The following NEDD4L variants were observed in gnomAD, a reference collection of about 807,000 sequenced individuals.
NEDD4L encodes E3 ubiquitin-protein ligase NEDD4-like.
Under a neutral mutation model 148.9 loss-of-function variants are expected in NEDD4L, and 54 were observed. That is an observed-to-expected ratio of 0.36 (90% CI 0.29 to 0.45). The LOEUF (loss-of-function observed/expected upper bound fraction) is 0.45, where lower values mean the gene tolerates loss of function less well. NEDD4L is among the 20% of genes least tolerant of loss of function. The pLI is 1.00. For synonymous variants in NEDD4L, 433 were observed against 440.7 expected (o/e 0.98, Z 0.22); for missense variants, 856 against 1,233.8 (o/e 0.69, Z 4.59).
intron 5 of NEDD4L, among the ~76,000 whole-genome samples, chr18:58,308,708 T>C (rs1358699622): frequency 6.6e-6 from 1 of 152,236 alleles, no homozygotes; most frequent in East Asian, 1.9e-4. Context: ...AGCACGAGTC[T>C]CAGGCAGTGG....
chr18:58,202,583 C>T (rs538318811), intron 2 of NEDD4L, among the ~76,000 whole-genome samples: 6 of 152,358 alleles, frequency 3.9e-5, no homozygotes, highest in Non-Finnish European at 8.8e-5. Context: ...TCCTTTTCAA[C>T]ACGTGGATTT....
intron 5 of NEDD4L, among the ~76,000 whole-genome samples, chr18:58,264,791 C>T (rs1051229157): frequency 1.3e-5 from 2 of 151,954 alleles, no homozygotes; most frequent in African/African-American, 4.8e-5. Context: ...TTCATCTGAC[C>T]GTATTTTCGT....
At chr18:58,357,300 T>A in intron 19 of NEDD4L, 48 bp downstream of exon 19, 1 of 1,474,038 alleles carries the variant, frequency 6.8e-7, no homozygotes, top group Non-Finnish European at 9.5e-7. Flanking sequence ...TTTGGTTACG[T>A]GTTTACGTGT....
At chr18:58,328,475 G>A (rs981645894) in intron 9 of NEDD4L, among the ~76,000 whole-genome samples, 4 of 152,200 alleles carry the variant, frequency 2.6e-5, no homozygotes, top group African/African-American at 9.7e-5. Flanking sequence ...CTAGAAAGCA[G>A]CTGAAAAAAA....
At chr18:58,282,623 C>T (rs2053311144) in intron 5 of NEDD4L, among the ~76,000 whole-genome samples, 1 of 152,212 alleles carries the variant, frequency 6.6e-6, no homozygotes, top group Admixed American at 6.5e-5. Context: ...CTTCTCTTGA[C>T]ATTTTGTTGC....
At chr18:58,238,194 C>G (rs66670611) in intron 2 of NEDD4L, among the ~76,000 whole-genome samples, 21,680 of 152,092 alleles carry the variant, frequency 0.14, 1,772 homozygotes, top group East Asian at 0.39. Flanking sequence ...ATATTTTAAA[C>G]TATGCTTCAT....
At chr18:58,061,705 T>TAATTATA (rs1308848788) in intron 1 of NEDD4L, among the ~76,000 whole-genome samples, 1 of 152,220 alleles carries the variant, frequency 6.6e-6, no homozygotes, top group Non-Finnish European at 1.5e-5. Flanking sequence ...ATAATTAAGG[T>TAATTATA]AAAATGTAAA....
At chr18:58,208,633 C>T (rs2042206836) in intron 2 of NEDD4L, among the ~76,000 whole-genome samples, 1 of 152,202 alleles carries the variant, frequency 6.6e-6, no homozygotes, top group Non-Finnish European at 1.5e-5. Context: ...CAGAGCCTCT[C>T]ACCCTGGGAG....
In NEDD4L at chr18:58,366,002, G is replaced by A; in HGVS notation, c.1837G>A (p.Asp613Asn). 6.2e-7 allele frequency: 1 copy of A among 1,602,176 alleles called. No homozygotes were observed. The highest frequency in any genetic ancestry group is 8.5e-7 in the Non-Finnish European group (1 of 1,172,216). Reference protein sequence around the residue: ...YFRKKLKKPADIPNRFEMKLH... With the variant: ...YFRKKLKKPANIPNRFEMKLH... Reference sequence around the variant, plus strand: ...TTTTCTTTTGTCTTTTGTGTAGGCTGATATCCCCAATAGGTTTGAAATGAA... The same window carrying A: ...TTTTCTTTTGTCTTTTGTGTAGGCTAATATCCCCAATAGGTTTGAAATGAA... Residue 613 changes from aspartate to asparagine, a missense_variant, in exon 21 of 31, where the codon GAT becomes AAT. By Grantham distance (23) the Asp-to-Asn change is conservative. Coordinates refer to ENST00000400345, the MANE Select transcript of NEDD4L (RefSeq NM_001144967.3). This position sits in a 1 kb window ranked among gnomAD's most constrained non-coding sequence, Gnocchi z 4.2.
chr18:58,189,682 C>T (rs2039887162), intron 2 of NEDD4L, among the ~76,000 whole-genome samples: 2 of 152,130 alleles, frequency 1.3e-5, no homozygotes, highest in Admixed American at 1.3e-4. Flanking sequence ...TGGCTTTTTT[C>T]TTCACATGAA....
chr18:58,077,203 C>G (rs981164251), intron 1 of NEDD4L, among the ~76,000 whole-genome samples: 1 of 119,992 alleles, frequency 8.3e-6, no homozygotes, highest in African/African-American at 3.4e-5. Context: ...AGACAGGGTC[C>G]CACTTTGTCA....
chr18:58,106,777 A>G (rs1249798099), intron 1 of NEDD4L, among the ~76,000 whole-genome samples: 1 of 152,174 alleles, frequency 6.6e-6, no homozygotes, highest in African/African-American at 2.4e-5. Flanking sequence ...CAATTGTCAT[A>G]CCTATTTTGC....
At chr18:58,185,060 C>T (rs956595001) in intron 2 of NEDD4L, among the ~76,000 whole-genome samples, 8 of 152,210 alleles carry the variant, frequency 5.3e-5, no homozygotes, top group African/African-American at 1.7e-4. Context: ...CAGGCGTGCA[C>T]GGCGTTAGTC....
intron 24 of NEDD4L, among the ~76,000 whole-genome samples, chr18:58,377,725 T>C (rs1359532323): frequency 3.0e-5 from 4 of 133,644 alleles, no homozygotes; most frequent in African/African-American, 1.2e-4. Context: ...GAGCAACGTC[T>C]AATTTGGTTA....
chr18:58,358,521 C>T (rs2045029653), intron 19 of NEDD4L, among the ~76,000 whole-genome samples: 2 of 152,118 alleles, frequency 1.3e-5, no homozygotes, highest in African/African-American at 2.4e-5. Context: ...ATATTTTTAT[C>T]ACTTATCAAT....
chr18:58,240,575 G>A (rs12960370), intron 2 of NEDD4L, among the ~76,000 whole-genome samples: 34,586 of 151,948 alleles, frequency 0.23, 4,884 homozygotes, highest in East Asian at 0.5. Flanking sequence ...CTCTCCTCCT[G>A]ACCCACCTAC....
At chr18:58,315,823 C>A (rs1039205385) in intron 5 of NEDD4L, among the ~76,000 whole-genome samples, 159 bp from the exon 6 acceptor site, 11 of 152,172 alleles carry the variant, frequency 7.2e-5, no homozygotes, top group African/African-American at 2.7e-4. Context: ...TCCTGGTCTC[C>A]CGGGGTGTGG....
rs150941082 is a variant in NEDD4L, at chr18:58,086,088, A to G, written c.48+41380A>G. Among the ~76,000 whole-genome samples the G allele has an allele frequency of 5.7e-3, 866 of 152,334 alleles. 10 individuals are homozygous for G. The highest frequency in any genetic ancestry group is 0.017 in the Admixed American group (260 of 15,298). On this transcript the variant is annotated intron_variant, in intron 1 of 30. Transcript: ENST00000400345. ...ATTGAAGTTTGAGTTGTTGAATTTC[A>G]TACATATTTTATTTTGACTTTTAAT... is the stretch of plus-strand genomic sequence containing the variant.
intron 29 of NEDD4L, 52 bp downstream of exon 29, chr18:58,390,794 G>A (rs375771192): frequency 5.2e-6 from 7 of 1,355,096 alleles, no homozygotes; most frequent in Non-Finnish European, 7.2e-6. Context: ...TTCCAGCCAG[G>A]CATGAACTCT....
Sources: gnomAD v4.1 joint callset for allele counts (sites outside exome capture counted in the v4.1 genomes callset) on GRCh38, gnomAD v4.1.1 for gene constraint, Gnocchi (gnomAD v3.1) non-coding constraint, MANE v1.5 for transcripts, NCBI Gene and HGNC (gene_info 2026-07-23, HGNC 2026-07-21) for gene names.